STARD13: variants seen among roughly 807,000 people sequenced by gnomAD.
STARD13 encodes StAR related lipid transfer domain containing 13, also known as stAR-related lipid transfer protein 13.
STARD13 carries 62 observed loss-of-function variants against 106.4 expected under a neutral mutation model. The ratio of observed to expected loss-of-function variants is 0.58; its 90% CI spans 0.48 to 0.72. The LOEUF is 0.72. Among genes scored for constraint, STARD13 ranks in the 30% least tolerant of loss-of-function variants. The pLI, the probability that STARD13 is intolerant of heterozygous loss-of-function variation, is 0.00. For missense variants in STARD13, 1,387 were observed against 1,424.0 expected, an observed-to-expected ratio of 0.97 and a Z score of 0.42; for synonymous variants, 565 against 553.0, an observed-to-expected ratio of 1.02 and a Z score of -0.31.
intron 1 of STARD13, among the ~76,000 whole-genome samples, chr13:33,197,188 CA>C (rs759946464): frequency 9.9e-5 from 15 of 152,144 alleles, no homozygotes; most frequent in Non-Finnish European, 1.9e-4. Flanking sequence ...ATGGGAAGCT[CA>C]AGCCTTTGGT....
At chr13:33,519,246 T>C in the STARD13 span, among the ~76,000 whole-genome samples, 4 of 150,902 alleles carry the variant, frequency 2.7e-5, no homozygotes, top group South Asian at 6.4e-4. Context: ...CTTTCTTTCT[T>C]TCTTTCTTTC....
At chr13:33,251,989 A>T (rs34983019) in intron 1 of STARD13, among the ~76,000 whole-genome samples, 34,035 of 152,056 alleles carry the variant, frequency 0.22, 4,057 homozygotes, top group African/African-American at 0.28. Flanking sequence ...GATAAGCTTT[A>T]TTCATCCTAA....
At chr13:33,580,051 C>T in the STARD13 span, among the ~76,000 whole-genome samples, 6 of 152,178 alleles carry the variant, frequency 3.9e-5, no homozygotes, top group South Asian at 4.1e-4. Context: ...CCTGCAGTTG[C>T]ACTCCTTGGT....
At chr13:33,502,794 T>C in the STARD13 span, among the ~76,000 whole-genome samples, 1 of 152,240 alleles carries the variant, frequency 6.6e-6, no homozygotes, top group Non-Finnish European at 1.5e-5. Flanking sequence ...GCCAGTATTT[T>C]ATTGAGGATT....
At chr13:33,143,576 G>A (rs986067551) in intron 3 of STARD13, among the ~76,000 whole-genome samples, 85 of 152,100 alleles carry the variant, frequency 5.6e-4, no homozygotes, top group Non-Finnish European at 1.3e-4. Flanking sequence ...TTTTTGAGAC[G>A]GAGTCTCACT....
the STARD13 span, among the ~76,000 whole-genome samples, chr13:33,559,076 A>G: frequency 4.6e-5 from 7 of 151,656 alleles, 1 homozygote; most frequent in African/African-American, 1.7e-4. Context: ...TGAATTCTCT[A>G]TTTTCCCCCA....
chr13:33,253,779 T>C lies in STARD13; in HGVS notation c.169+31691A>G, dbSNP rs576835599. Among the ~76,000 whole-genome samples, 4 of 152,334 alleles carry C rather than the reference T, an allele frequency of 2.6e-5. No individual in the cohort carries two copies. The East Asian group carries it at 7.7e-4, about 29-fold the overall frequency. On this transcript the variant is annotated intron_variant, in intron 1 of 13. Coordinates refer to ENST00000336934, the MANE Select transcript of STARD13 (RefSeq NM_178006.4). ...GATTTATAAGCGTATCATCAAAGCC[T>C]GAAATTGAACTTTCAAAATAGTACG...
At chr13:33,672,789 T>C in the STARD13 span, among the ~76,000 whole-genome samples, 1 of 152,232 alleles carries the variant, frequency 6.6e-6, no homozygotes, top group Admixed American at 6.5e-5. Context: ...TTGACCAATT[T>C]GCTTTGATGA....
chr13:33,544,695 T>C, the STARD13 span, among the ~76,000 whole-genome samples: 4 of 152,138 alleles, frequency 2.6e-5, no homozygotes, highest in Middle Eastern at 3.4e-3. Context: ...GCTAGTACCA[T>C]GTATTTGGAT....
intron 1 of STARD13, among the ~76,000 whole-genome samples, chr13:33,326,407 G>A (rs1028697418): frequency 2.0e-5 from 3 of 152,166 alleles, no homozygotes; most frequent in Admixed American, 6.5e-5. Context: ...TTTAGTGTAC[G>A]TCAATAAAGT....
chr13:33,133,042 T>TA (rs1344366871), intron 4 of STARD13, among the ~76,000 whole-genome samples: 1 of 152,182 alleles, frequency 6.6e-6, no homozygotes, highest in Non-Finnish European at 1.5e-5. Context: ...AAAGCCCTTT[T>TA]AGCAGACAGT....
chr13:33,337,927 A>G (rs1215969906), intron 1 of STARD13, among the ~76,000 whole-genome samples: 2 of 152,204 alleles, frequency 1.3e-5, no homozygotes, highest in Non-Finnish European at 2.9e-5. Flanking sequence ...GGGCCCTTCT[A>G]TGCATGGGGC....
At chr13:33,109,189 AT>A (rs1874168325) in intron 12 of STARD13, among the ~76,000 whole-genome samples, 1 of 152,282 alleles carries the variant, frequency 6.6e-6, no homozygotes, top group Non-Finnish European at 1.5e-5. Context: ...ATTACCTTCT[AT>A]TCAGGTTCTT....
At chr13:33,277,798 T>C (rs938830079) in intron 1 of STARD13, 3 of 152,184 alleles carry the variant, frequency 2.0e-5, no homozygotes, top group Non-Finnish European at 4.4e-5. Flanking sequence ...CTTGATGTTA[T>C]AATTATTAAC....
chr13:33,346,157 C>T (rs1236503018), downstream of STARD13, among the ~76,000 whole-genome samples: 1 of 152,208 alleles, frequency 6.6e-6, no homozygotes, highest in Non-Finnish European at 1.5e-5. Flanking sequence ...TGCCAGCCAA[C>T]AGCCAGAGAG....
the STARD13 span, among the ~76,000 whole-genome samples, chr13:33,451,634 A>G: frequency 1.3e-5 from 2 of 152,202 alleles, no homozygotes; most frequent in Admixed American, 6.5e-5. Flanking sequence ...GGGTCTGCAT[A>G]GAGAAGCCGG....
the STARD13 span, among the ~76,000 whole-genome samples, chr13:33,673,985 C>T: frequency 2.2e-4 from 33 of 151,970 alleles, no homozygotes; most frequent in East Asian, 4.5e-3. Flanking sequence ...CTCAGCCTCC[C>T]GAGTAGCTGG....
At chr13:33,311,036 C>G (rs1893114100) in intron 1 of STARD13, among the ~76,000 whole-genome samples, 1 of 151,992 alleles carries the variant, frequency 6.6e-6, no homozygotes, top group South Asian at 2.1e-4. Flanking sequence ...GTCGCTCACC[C>G]CTTTGATCCC....
At chr13:33,444,584 G>C in the STARD13 span, among the ~76,000 whole-genome samples, 4 of 152,116 alleles carry the variant, frequency 2.6e-5, no homozygotes, top group African/African-American at 9.7e-5. Flanking sequence ...TGGGAAACAT[G>C]AGGAGATCCT....
Sources: gnomAD v4.1 joint callset for allele counts (sites outside exome capture counted in the v4.1 genomes callset) on GRCh38, gnomAD v4.1.1 for gene constraint, MANE v1.5 for transcripts, NCBI Gene and HGNC (gene_info 2026-07-23, HGNC 2026-07-21) for gene names.